Variants in CACNA1A observed in about 807,000 individuals in gnomAD.
CACNA1A encodes voltage-dependent P/Q-type calcium channel subunit alpha-1A.
A neutral mutation model predicts 262.4 loss-of-function variants in CACNA1A; 57 were observed. The ratio of observed to expected loss-of-function variants is 0.22; its 90% confidence interval spans 0.18 to 0.27. CACNA1A has a LOEUF of 0.27. Ranked by LOEUF, CACNA1A falls within the 10% of genes least tolerant of loss-of-function variation. The pLI is 1.00. For missense variants in CACNA1A, 2,526 were observed against 3,562.8 expected (o/e 0.71, Z 7.41); for synonymous variants, 1,431 against 1,419.3 (o/e 1.01, Z -0.18).
At chr19:13,261,706 T>C in intron 25 of CACNA1A, 96 bp from the exon 26 acceptor site, 1 of 1,194,534 alleles carries the variant, frequency 8.4e-7, no homozygotes, top group East Asian at 2.6e-5. Context: ...GCCATGATCA[T>C]TCCCATTTTA....
At chr19:13,259,776 C>A in intron 26 of CACNA1A, 75 bp from the exon 27 acceptor site, 1 of 1,534,060 alleles carries the variant, frequency 6.5e-7, no homozygotes, top group Non-Finnish European at 8.9e-7. Flanking sequence ...TTATCAGAGA[C>A]AGGGGGAGGG....
intron 3 of CACNA1A, among the ~76,000 whole-genome samples, chr19:13,437,722 A>G (rs1446698738): frequency 6.6e-6 from 1 of 151,486 alleles, no homozygotes; most frequent in African/African-American, 2.4e-5. Flanking sequence ...AAAGAAACAA[A>G]AAGAGTTGGG....
intron 38 of CACNA1A, among the ~76,000 whole-genome samples, chr19:13,219,907 G>A (rs867201492): frequency 7.2e-4 from 107 of 147,846 alleles, no homozygotes; most frequent in African/African-American, 2.3e-3. Context: ...CCGAGATTGC[G>A]CCACTGCACT....
intron 6 of CACNA1A, among the ~76,000 whole-genome samples, chr19:13,347,105 G>T (rs2058806281): frequency 7.0e-6 from 1 of 143,116 alleles, no homozygotes; most frequent in Admixed American, 7.3e-5. Flanking sequence ...CTGTCATCCG[G>T]GCTGGAGTGC....
In CACNA1A at chr19:13,298,766, C is replaced by A. The variant is rs551380805; in HGVS notation, c.2867G>T (p.Arg956Leu). The part of the protein sequence containing the change: ...SPRTGADGEH[R>L]RHRAHRRPGE... Reference sequence around the variant, plus strand: ...GGGCCTGCGGTGCGCGCGATGACGTCGATGCTCCCCGTCCGCGCCCGTGCG... The same window carrying A: ...GGGCCTGCGGTGCGCGCGATGACGTAGATGCTCCCCGTCCGCGCCCGTGCG... The change falls in exon 19 of 47, where the codon CGA (arginine) becomes CTA (leucine). Residue 956 changes from arginine to leucine, a missense_variant. Around this residue, in one of 17 missense-constraint regions of CACNA1A, gnomAD observed 765 missense variants for 748.6 expected, o/e 1.02. Coordinates refer to ENST00000360228, the MANE Select transcript of CACNA1A (RefSeq NM_001127222.2). 7.0e-5 allele frequency: 106 copies of A among 1,520,538 alleles called. No homozygotes were observed. The highest frequency in any genetic ancestry group is 2.1e-4 in the Middle Eastern group (1 of 4,840). 94.2% of individuals were successfully genotyped at this position (1,520,538 alleles called of 1,614,324 possible). A position where few individuals can be genotyped will look rare whatever the true frequency, so the allele number is the denominator to read the frequency against.
intron 9 of CACNA1A, among the ~76,000 whole-genome samples, chr19:13,332,576 C>T (rs887968090): frequency 5.9e-5 from 9 of 152,008 alleles, no homozygotes; most frequent in Non-Finnish European, 1.2e-4. Flanking sequence ...TTTGCCATAA[C>T]GAATATCATT....
At chr19:13,495,354 T>A (rs902006296) in intron 1 of CACNA1A, among the ~76,000 whole-genome samples, 2 of 152,134 alleles carry the variant, frequency 1.3e-5, no homozygotes, top group African/African-American at 4.8e-5. Flanking sequence ...TGGAGTGCAG[T>A]GGCATGATCT....
intron 19 of CACNA1A, among the ~76,000 whole-genome samples, chr19:13,295,916 C>A (rs2057656369): frequency 6.6e-6 from 1 of 152,182 alleles, no homozygotes; most frequent in Non-Finnish European, 1.5e-5. Flanking sequence ...AAAGACTAGA[C>A]TCTTTTGTAT....
chr19:13,228,755 C>T lies in CACNA1A; in HGVS notation c.5529-1228G>A. 6.2e-7 allele frequency: 1 copy of T among 1,601,910 alleles called. No homozygotes were observed. Among genetic ancestry groups the T allele is most frequent in the Non-Finnish European group, 8.5e-7 (1 of 1,174,174 alleles). Reference sequence around the variant, plus strand: ...CCTAAGCCGAGAGGGGGAGATATTACTCGTAATAAACTGTACATATCCTTA... The same window carrying T: ...CCTAAGCCGAGAGGGGGAGATATTATTCGTAATAAACTGTACATATCCTTA... On this transcript the variant is annotated intron_variant, in intron 36 of 46. Coordinates refer to ENST00000360228, the MANE Select transcript of CACNA1A (RefSeq NM_001127222.2).
intron 6 of CACNA1A, among the ~76,000 whole-genome samples, chr19:13,356,652 C>T (rs1246183645): frequency 6.6e-6 from 1 of 152,204 alleles, no homozygotes; most frequent in Non-Finnish European, 1.5e-5. Context: ...GTGACATATC[C>T]CTTTTTTATG....
At position 13,346,540 on chromosome 19, in the gene CACNA1A, G is replaced by A. The variant is rs114656799; in HGVS notation, c.979-10631C>T. 3.5e-3 allele frequency among the ~76,000 whole-genome samples: 505 copies of A among 143,478 alleles called. 2 individuals are homozygous for A. The highest frequency in any genetic ancestry group is 0.012 in the African/African-American group (470 of 38,266). The allele number at this position is 143,478 out of a possible 152,430, so 94.1% of individuals were successfully genotyped here. ...ATGATCACTAACTAAACATAGTTTT[G>A]TTGCTTTATTAATTGACATTCACCA... On this transcript the variant is annotated intron_variant, in intron 6 of 46. Coordinates refer to ENST00000360228, the MANE Select transcript of CACNA1A (RefSeq NM_001127222.2).
At chr19:13,470,129 G>T (rs56105031) in intron 1 of CACNA1A, among the ~76,000 whole-genome samples, 3,682 of 152,192 alleles carry the variant, frequency 0.024, 59 homozygotes, top group Non-Finnish European at 0.038. Flanking sequence ...GGATGGGAAT[G>T]ACCCAATTTA....
At position 13,237,707 on chromosome 19, in the gene CACNA1A, T is replaced by C. The variant is rs576664518; in HGVS notation, c.4951-1977A>G. 1.1e-4 allele frequency among the ~76,000 whole-genome samples: 17 copies of C among 152,254 alleles called. 1 individual carries two copies. In the East Asian group the frequency reaches 3.3e-3, roughly 30 times the overall value. Reference sequence around the variant, plus strand: ...TCAAGTGCTGTGAGAATGTCTCCAGTGCCTCGAACAAGCCCCAAACCCAGC... The same window carrying C: ...TCAAGTGCTGTGAGAATGTCTCCAGCGCCTCGAACAAGCCCCAAACCCAGC... On this transcript the variant is annotated intron_variant, in intron 31 of 46. Transcript: ENST00000360228.
chr19:13,278,376 A>G (rs1415899626), intron 22 of CACNA1A, among the ~76,000 whole-genome samples: 2 of 152,172 alleles, frequency 1.3e-5, no homozygotes, highest in African/African-American at 4.8e-5. Flanking sequence ...GCCTTTGCAC[A>G]GGCTGTTCTG....
In CACNA1A at chr19:13,285,952, A is replaced by ATTT. The variant is rs74181819; in HGVS notation, c.3553+548_3553+550dup. On this transcript the variant is annotated intron_variant, in intron 20 of 46. Transcript: ENST00000360228. ...GACATAATCCACCCAGCAGTTCACCATTTTTTTTTTTTTTTTTTTTTTTTG... is the reference window on the plus strand; with the variant it reads ...GACATAATCCACCCAGCAGTTCACCATTTTTTTTTTTTTTTTTTTTTTTTTTTG... 1.1e-3 allele frequency among the ~76,000 whole-genome samples: 107 copies of ATTT among 95,812 alleles called. 2 individuals are homozygous for ATTT. Among genetic ancestry groups the ATTT allele is most frequent in the African/African-American group, 2.3e-3 (54 of 23,590 alleles). 62.9% of individuals were successfully genotyped at this position (95,812 alleles called of 152,430 possible). A position where few individuals can be genotyped will look rare whatever the true frequency, so the allele number is the denominator to read the frequency against.
chr19:13,246,633 T>TTG (rs1344074622), intron 30 of CACNA1A, among the ~76,000 whole-genome samples: 9 of 145,342 alleles, frequency 6.2e-5, no homozygotes, highest in South Asian at 2.2e-4. Flanking sequence ...CTCTGTTTGT[T>TTG]TTTTTTTTTT....
intron 3 of CACNA1A, among the ~76,000 whole-genome samples, chr19:13,402,075 G>C (rs62111204): frequency 0.11 from 16,083 of 152,246 alleles, 1,216 homozygotes; most frequent in East Asian, 0.33. Context: ...AACTAACACA[G>C]CCTCTTCTTC....
At position 13,275,645 on chromosome 19, in the gene CACNA1A, G is replaced by T. The variant is rs1015470640; in HGVS notation, c.3989+205C>A. On this transcript the variant is annotated intron_variant, in intron 24 of 46. Transcript: ENST00000360228. Reference sequence around the variant, plus strand: ...TGAGGAGGTAGAAGGTTGGCAGGAGGGGGGGTCCCTTCTCCTTCTTCCTCC... The same window carrying T: ...TGAGGAGGTAGAAGGTTGGCAGGAGTGGGGGTCCCTTCTCCTTCTTCCTCC... 90 of 542,078 alleles carry T rather than the reference G, an allele frequency of 1.7e-4. No individual in the cohort carries two copies. In the East Asian group the frequency reaches 2.4e-3, roughly 14 times the overall value. The allele number at this position is 542,078 out of a possible 1,614,324, so 33.6% of individuals were successfully genotyped here. A position where few individuals can be genotyped will look rare whatever the true frequency, so the allele number is the denominator to read the frequency against.
chr19:13,354,698 C>T (rs565303027), intron 6 of CACNA1A, among the ~76,000 whole-genome samples: 1 of 152,220 alleles, frequency 6.6e-6, no homozygotes, highest in Admixed American at 6.5e-5. Context: ...TAAGTCCTAA[C>T]CCCCTGGTAC....
Sources: allele counts gnomAD v4.1 joint callset (sites outside exome capture counted in the v4.1 genomes callset), GRCh38; gene constraint gnomAD v4.1.1; regional missense constraint gnomAD v4.1.1; transcripts MANE v1.5; gene names NCBI Gene and HGNC (gene_info 2026-07-23, HGNC 2026-07-21).